The following FLG variants were observed in gnomAD, a reference collection of about 807,000 sequenced individuals.
FLG encodes filaggrin.
Under a neutral mutation model 3.8 loss-of-function variants are expected in FLG, and 6 were observed. The observed-to-expected ratio is 1.60, with a 90% CI of 0.87 to 3.15. The LOEUF (loss-of-function observed/expected upper bound fraction) is 3.15, where lower values mean the gene tolerates loss of function less well. FLG is among the 30% of genes most tolerant of loss of function. The probability of loss-of-function intolerance (pLI) is 0.00; values close to 1 mark genes in which losing one functional copy is unlikely to be tolerated. For missense variants in FLG, 7,595 were observed against 5,050.9 expected, an observed-to-expected ratio of 1.50 and a Z score of -15.27; for synonymous variants, 2,551 against 1,931.6, an observed-to-expected ratio of 1.32 and a Z score of -8.41.
In FLG at chr1:152,308,764, C is replaced by T; in HGVS notation, c.6122G>A (p.Gly2041Asp). The T allele has an allele frequency of 6.2e-7, 1 of 1,614,158 alleles. No individual in the cohort carries two copies. The highest frequency in any genetic ancestry group is 8.5e-7 in the Non-Finnish European group (1 of 1,180,010). The change falls in exon 3 of 3, where the codon GGT becomes GAT. Residue 2041 changes from glycine to aspartate, a missense_variant. Gly to Asp is a moderately conservative substitution (Grantham distance 94). Coordinates refer to ENST00000368799, the MANE Select transcript of FLG (RefSeq NM_002016.2). ...VRDSGHRGYS[G>D]SQASDSEGHS... ...TCCCTCACTGTCACTGGCCTGACTA[C>T]CACTGTACCCTCGGTGTCCACTGTC...
rs1354863547 is a variant in FLG, at chr1:152,313,314, T to A, written c.1572A>T (p.Arg524Ser). 3 of 1,613,406 alleles carry A rather than the reference T, an allele frequency of 1.9e-6. No homozygotes were observed. Among genetic ancestry groups the A allele is most frequent in the African/African-American group, 1.3e-5 (1 of 74,644 alleles). ...CGTGGTGGGATCCCTGCCTTCCTCC[T>A]CTGCTTGACCCCGGGTGTCCACGAA... ...DTIRGHPGSS[R>S]GGRQGSHHEQ... The change falls in exon 3 of 3, where the codon AGA becomes AGT. Residue 524 changes from arginine to serine, a missense_variant. Arg to Ser is a moderately radical substitution (Grantham distance 110). Transcript: ENST00000368799.
chr1:152,313,163 C>G lies in FLG; in HGVS notation c.1723G>C (p.Glu575Gln), dbSNP rs186520508. ...TGCCTGGTGCCGTCTCCTGATTGTT[C>G]CTCATTTCGTGTTTGTCTGCTTGCA... ...RSASRQTRNE[E>Q]QSGDGTRHSG... The change falls in exon 3 of 3, where the codon GAA becomes CAA. Residue 575 changes from glutamate (E) to glutamine (Q), a missense_variant. Physicochemically the swap from Glu to Gln is conservative, Grantham distance 29. Coordinates refer to ENST00000368799, the MANE Select transcript of FLG (RefSeq NM_002016.2). 1 of 1,613,774 alleles carries G rather than the reference C, an allele frequency of 6.2e-7. No homozygotes were observed. Among genetic ancestry groups the G allele is most frequent in the Admixed American group, 1.7e-5 (1 of 59,986 alleles).
rs370184374 is a variant in FLG at position 152,308,235 on chromosome 1, G to A, written c.6651C>T (p.Ala2217=). 47 of 1,613,922 alleles carry A rather than the reference G, an allele frequency of 2.9e-5. No homozygotes were observed. The highest frequency in any genetic ancestry group is 9.3e-5 in the African/African-American group (7 of 75,002). ...CCACCAGTGAGTGTCTAGAGCTGTCGGCCCAAGAGGAAGCTTCATGATGAT... is the reference window on the plus strand; with the variant it reads ...CCACCAGTGAGTGTCTAGAGCTGTCAGCCCAAGAGGAAGCTTCATGATGAT... ...GSHHHEASSW[A]DSSRHSLVGQ... The change falls in exon 3 of 3, where the codon GCC becomes GCT. Residue 2217 remains alanine (A), a synonymous_variant. Coordinates refer to ENST00000368799, the MANE Select transcript of FLG (RefSeq NM_002016.2).
Position 152,310,019 on chromosome 1 carries a change from G to A in FLG, c.4867C>T (p.Arg1623Trp), listed in dbSNP as rs78982044. The change falls in exon 3 of 3, where the codon CGG (arginine) becomes TGG (tryptophan). Residue 1623 changes from arginine to tryptophan, a missense_variant. Transcript: ENST00000368799. ...SASRNHYGSA[R>W]EQSRHGSRNP... The stretch of plus-strand genomic sequence containing the variant: ...CTGGAGCCATGTCTTGACTGCTCCC[G>A]AGCAGATCCATAATGGTTTCTGGAA... The A allele has an allele frequency of 2.0e-4, 316 of 1,613,744 alleles. No individual in the cohort carries two copies. The East Asian group carries it at 5.5e-3, about 28-fold the overall frequency.
chr1:152,309,571 T>A lies in FLG; in HGVS notation c.5315A>T (p.His1772Leu). 6.2e-7 allele frequency: 1 copy of A among 1,613,894 alleles called. No individual in the cohort carries two copies. Residue 1772 changes from histidine (H) to leucine (L), a missense_variant, in exon 3 of 3, where the codon CAT (histidine) becomes CTT (leucine). Physicochemically the swap from His to Leu is moderately conservative, Grantham distance 99. Transcript: ENST00000368799. ...TCCATGGGCGGACTCAGACTGTTCA[T>A]GAGTGCTCACCTGGTAGAGGAAAGA... ...SGSFLYQVST[H>L]EQSESAHGRT...
In FLG at chr1:152,310,634, GC is replaced by G; in HGVS notation, c.4251del (p.His1419IlefsTer27). 1 of 1,613,956 alleles carries G rather than the reference GC, an allele frequency of 6.2e-7. No homozygotes were observed. The highest frequency in any genetic ancestry group is 8.5e-7 in the Non-Finnish European group (1 of 1,179,984). ...TQSVSAHGQA[G>X]PHQQSHKESA... is the part of the protein sequence containing the mutation. Reference sequence around the variant, plus strand: ...GACTCTTTGTGGCTCTGCTGATGGGGCCCAGCTTGTCCGTGGGCTGACACTG... The same window carrying G: ...GACTCTTTGTGGCTCTGCTGATGGGGCCAGCTTGTCCGTGGGCTGACACTG... On this transcript the variant is annotated frameshift_variant, in exon 3 of 3. Transcript: ENST00000368799. LOFTEE classifies it low-confidence loss of function (END_TRUNC).
chr1:152,304,738 G>A lies in FLG; in HGVS notation c.10148C>T (p.Ser3383Leu), dbSNP rs777383298. 3.1e-6 allele frequency: 5 copies of A among 1,613,494 alleles called. No individual in the cohort carries two copies. The South Asian group carries it at 5.5e-5, about 18-fold the overall frequency. The change falls in exon 3 of 3, where the codon TCA becomes TTA. Residue 3383 changes from serine to leucine, a missense_variant. Physicochemically the swap from Ser to Leu is moderately radical, Grantham distance 145 (BLOSUM62 -2). Transcript: ENST00000368799. ...RDRSGGRSGR[S>L]GSFLYQVSTH... is the part of the protein sequence containing the mutation. ...GCTCACCTGGTAGAGGAAAGACCCTGAACGTCCAGACCTTCCCCCTGACCG... is the reference window on the plus strand; with the variant it reads ...GCTCACCTGGTAGAGGAAAGACCCTAAACGTCCAGACCTTCCCCCTGACCG...
Position 152,311,006 on chromosome 1 carries a change from G to A in FLG, c.3880C>T (p.His1294Tyr), listed in dbSNP as rs1361591522. Residue 1294 changes from histidine to tyrosine, a missense_variant, in exon 3 of 3, where the codon CAT (histidine) becomes TAT (tyrosine). His to Tyr is a moderately conservative substitution (Grantham distance 83). Transcript: ENST00000368799. ...ERLSGSASRNHHGSSREQSRD... is the reference protein window; with the variant it reads ...ERLSGSASRNYHGSSREQSRD... ...GACTGCTCCCGAGAAGATCCATGAT[G>A]GTTTCTGGAAGCAGACCCAGACAAC... 3 of 1,613,894 alleles carry A rather than the reference G, an allele frequency of 1.9e-6. No individual in the cohort carries two copies.
rs750621736 is a variant in FLG at position 152,313,432 on chromosome 1, G to C, written c.1454C>G (p.Thr485Ser). 6.2e-7 allele frequency: 1 copy of C among 1,613,830 alleles called. No homozygotes were observed. The highest frequency in any genetic ancestry group is 8.5e-7 in the Non-Finnish European group (1 of 1,179,964). The change falls in exon 3 of 3, where the codon ACC becomes AGC. Residue 485 changes from threonine (T) to serine (S), a missense_variant. Thr to Ser is a moderately conservative substitution (Grantham distance 58). Coordinates refer to ENST00000368799, the MANE Select transcript of FLG (RefSeq NM_002016.2). ...TTGTCTTCCTCCAGTGCTGGTCCCG[G>C]TCCGTCCATGGGCAGAGTCAGGCTG... ...HEQPDSAHGR[T>S]GTSTGGRQGS...
chr1:152,322,110 A>C (rs1033842638), intron 1 of FLG, among the ~76,000 whole-genome samples: 3 of 151,226 alleles, frequency 2.0e-5, no homozygotes, highest in Admixed American at 2.0e-4. Flanking sequence ...ATAAAAGATT[A>C]TGTCTTTGAA....
Position 152,303,217 on chromosome 1 carries a change from G to C in FLG, c.11669C>G (p.Ser3890Cys). Residue 3890 changes from serine (S) to cysteine (C), a missense_variant, in exon 3 of 3, where the codon TCT (serine) becomes TGT (cysteine). Transcript: ENST00000368799. ...GCCATCTCTTGACTGCTCCCGAGAA[G>C]ATCCATGATGGTTTCTGGAAGCAGA... ...SESASRNHHG[S>C]SREQSRDGSR... The C allele has an allele frequency of 6.2e-7, 1 of 1,614,112 alleles. No homozygotes were observed. Among genetic ancestry groups the C allele is most frequent in the South Asian group, 1.1e-5 (1 of 91,064 alleles).
Position 152,302,778 on chromosome 1 carries a change from T to A in FLG, c.12108A>T (p.Pro4036=), listed in dbSNP as rs779978288. 4 of 1,614,080 alleles carry A rather than the reference T, an allele frequency of 2.5e-6. No homozygotes were observed. The East Asian group carries it at 8.9e-5, about 36-fold the overall frequency. ...TATCACTAGAATGGCCACATAAACC[T>A]GGGTCCTTATTAATATACGTTGCAT... ...RYYATYINKD[P]GLCGHSSDIS... Residue 4036 remains proline (P), a synonymous_variant, in exon 3 of 3, where the codon CCA becomes CCT. Coordinates refer to ENST00000368799, the MANE Select transcript of FLG (RefSeq NM_002016.2).
rs1405079555 is a variant in FLG, at chr1:152,308,733, T to G, written c.6153A>C (p.Ser2051=). Reference sequence around the variant, plus strand: ...ACACTGACTGTGTGTCTGAGTCTTCTGAATGTCCCTCACTGTCACTGGCCT... The same window carrying G: ...ACACTGACTGTGTGTCTGAGTCTTCGGAATGTCCCTCACTGTCACTGGCCT... ...GSQASDSEGH[S]EDSDTQSVSA... The change falls in exon 3 of 3, where the codon TCA becomes TCC. Residue 2051 remains serine, a synonymous_variant. Transcript: ENST00000368799. The G allele has an allele frequency of 6.2e-7, 1 of 1,614,164 alleles. No individual in the cohort carries two copies. Among genetic ancestry groups the G allele is most frequent in the Non-Finnish European group, 8.5e-7 (1 of 1,180,020 alleles).
Position 152,313,359 on chromosome 1 carries a change from G to A in FLG, c.1527C>T (p.Ser509=), listed in dbSNP as rs770375677. ...CACGAATGGTGTCCTGACCCTCTTG[G>A]GACGCTGAATGCCTGGAGCTGTCTC... ...QARDSSRHSA[S]QEGQDTIRGH... is the part of the protein sequence containing the mutation. Residue 509 remains serine (S), a synonymous_variant, in exon 3 of 3, where the codon TCC becomes TCT. Coordinates refer to ENST00000368799, the MANE Select transcript of FLG (RefSeq NM_002016.2). The A allele has an allele frequency of 6.2e-7, 1 of 1,613,218 alleles. No individual in the cohort carries two copies. The highest frequency in any genetic ancestry group is 8.5e-7 in the Non-Finnish European group (1 of 1,179,806).
chr1:152,303,402 C>T lies in FLG; in HGVS notation c.11484G>A (p.Ser3828=), dbSNP rs370872906. 2.7e-4 allele frequency: 430 copies of T among 1,613,934 alleles called. 1 individual carries two copies. The highest frequency in any genetic ancestry group is 3.8e-4 in the Admixed American group (23 of 59,982). ...QSGDGSRHSG[S]RHHEASTQAD... ...CCTGAGTGGAAGCTTCATGGTGACG[C>T]GACCCTGAGTGCCTGGAGCCGTCTC... The change falls in exon 3 of 3, where the codon TCG becomes TCA. Residue 3828 remains serine, a synonymous_variant. Coordinates refer to ENST00000368799, the MANE Select transcript of FLG (RefSeq NM_002016.2).
chr1:152,307,420 C>G lies in FLG; in HGVS notation c.7466G>C (p.Gly2489Ala). The G allele has an allele frequency of 6.2e-7, 1 of 1,613,202 alleles. No homozygotes were observed. The highest frequency in any genetic ancestry group is 2.2e-5 in the East Asian group (1 of 44,742). ...EQLVDRSGHS[G>A]SHHSHTTSQG... ...GGATGTGGTGTGGCTGTGATGAGAC[C>G]CTGAGTGTCCAGATCTATCTACCAA... Residue 2489 changes from glycine (G) to alanine (A), a missense_variant, in exon 3 of 3, where the codon GGG becomes GCG. Gly to Ala is a moderately conservative substitution (Grantham distance 60, BLOSUM62 0). Coordinates refer to ENST00000368799, the MANE Select transcript of FLG (RefSeq NM_002016.2).
rs374061017 is a variant in FLG at position 152,308,892 on chromosome 1, T to A, written c.5994A>T (p.Arg1998Ser). ...GQAASSHEQA[R>S]SSAGERHGSH... is the part of the protein sequence containing the mutation. ...ATCCATGTCTTTCTCCTGCACTTGA[T>A]CTTGCCTGTTCATGGGATGACGCAG... The change falls in exon 3 of 3, where the codon AGA becomes AGT. Residue 1998 changes from arginine to serine, a missense_variant. Transcript: ENST00000368799. 2 of 1,614,034 alleles carry A rather than the reference T, an allele frequency of 1.2e-6. No homozygotes were observed. Among genetic ancestry groups the A allele is most frequent in the Non-Finnish European group, 1.7e-6 (2 of 1,180,006 alleles).
chr1:152,303,561 C>A lies in FLG; in HGVS notation c.11325G>T (p.Glu3775Asp). 1 of 1,614,060 alleles carries A rather than the reference C, an allele frequency of 6.2e-7. No homozygotes were observed. Among genetic ancestry groups the A allele is most frequent in the Non-Finnish European group, 8.5e-7 (1 of 1,180,014 alleles). Residue 3775 changes from glutamate (E) to aspartate (D), a missense_variant, in exon 3 of 3, where the codon GAG becomes GAT. Transcript: ENST00000368799. The part of the protein sequence containing the change: ...RRGGRQGSYH[E>D]QSVDRSGHSG... ...AGTGTCCAGACCTATCTACCGATTG[C>A]TCGTGGTAGGATCCCTGTCTTCCTC... is the stretch of plus-strand genomic sequence containing the variant.
rs561302791 is a variant in FLG at position 152,309,224 on chromosome 1, C to G, written c.5662G>C (p.Ala1888Pro). ...SRHSGSRHHE[A>P]SSRADSSRHS... Reference sequence around the variant, plus strand: ...CTAGAGCTGTCGGCCCGAGAGGAAGCTTCATGGTGACGCGACCCTGAGTGC... The same window carrying G: ...CTAGAGCTGTCGGCCCGAGAGGAAGGTTCATGGTGACGCGACCCTGAGTGC... Residue 1888 changes from alanine to proline, a missense_variant, in exon 3 of 3, where the codon GCT (alanine) becomes CCT (proline). Transcript: ENST00000368799. The G allele has an allele frequency of 1.6e-4, 252 of 1,613,670 alleles. No homozygotes were observed. In the South Asian group the frequency reaches 2.5e-3, roughly 16 times the overall value.
Sources: gnomAD v4.1 joint callset for allele counts (sites outside exome capture counted in the v4.1 genomes callset) on GRCh38, gnomAD v4.1.1 for gene constraint, MANE v1.5 for transcripts, NCBI Gene and HGNC (gene_info 2026-07-23, HGNC 2026-07-21) for gene names.